Variants in TBL1X observed in about 807,000 individuals in gnomAD.
TBL1X encodes F-box-like/WD repeat-containing protein TBL1X.
A neutral mutation model predicts 50.7 loss-of-function variants in TBL1X; 10 were observed. That is an observed-to-expected ratio of 0.20 (90% CI 0.12 to 0.33). TBL1X has a LOEUF of 0.33. Ranked by LOEUF, TBL1X falls within the 10% of genes least tolerant of loss-of-function variation. The probability of loss-of-function intolerance (pLI) is 1.00; values close to 1 mark genes in which losing one functional copy is unlikely to be tolerated. For missense variants in TBL1X, 340 were observed against 504.4 expected, an observed-to-expected ratio of 0.67 and a Z score of 3.12; for synonymous variants, 190 against 214.7, an observed-to-expected ratio of 0.88 and a Z score of 1.01.
intron 2 of TBL1X, among the ~76,000 whole-genome samples, chrX:9,621,109 G>A (rs1488350935): frequency 2.7e-5 from 3 of 111,767 alleles, no homozygotes; most frequent in African/African-American, 9.8e-5. Flanking sequence ...TGCTGTGGGC[G>A]TGTTGCGTTT....
chrX:9,551,595 A>G (rs2238855), intron 2 of TBL1X, among the ~76,000 whole-genome samples: 2 of 111,545 alleles, frequency 1.8e-5, no homozygotes, highest in East Asian at 5.6e-4. Context: ...TCAGTGATGG[A>G]TAAAGGCAGA....
rs34726098 is a variant in TBL1X at position 9,545,000 on chromosome X, CTTTTTTTTT to C, written c.-131+43167_-131+43175del. On this transcript the variant is annotated intron_variant, in intron 2 of 17. Coordinates refer to ENST00000645353, the MANE Select transcript of TBL1X (RefSeq NM_005647.4). ...GGTTTATGTAGTTATTTTCCCCCCA[CTTTTTTTTT>C]TTTTTTTTTTTTTTTGAAATGGAGT... Among the ~76,000 whole-genome samples, 131 of 71,753 alleles carry C rather than the reference CTTTTTTTTT, an allele frequency of 1.8e-3. 1 individual carries two copies. Among genetic ancestry groups the C allele is most frequent in the Admixed American group, 4.0e-3 (24 of 5,988 alleles). 62.3% of individuals were successfully genotyped at this position (71,753 alleles called of 115,157 possible).
At chrX:9,652,403 A>G (rs2082840403) in intron 3 of TBL1X, among the ~76,000 whole-genome samples, 1 of 111,942 alleles carries the variant, frequency 8.9e-6, no homozygotes, top group Admixed American at 9.5e-5. Context: ...CCTCCCATTA[A>G]ATGTAAAATA....
intron 2 of TBL1X, among the ~76,000 whole-genome samples, chrX:9,628,044 G>A (rs73478834): frequency 0.034 from 3,883 of 112,759 alleles, 64 homozygotes; most frequent in African/African-American, 0.063. Flanking sequence ...TGGTTCTCAT[G>A]ACTCAATTAA....
intron 5 of TBL1X, among the ~76,000 whole-genome samples, chrX:9,667,186 C>T (rs1026304157): frequency 6.3e-5 from 7 of 111,238 alleles, no homozygotes; most frequent in African/African-American, 2.3e-4. Flanking sequence ...GGTGTGAACC[C>T]GGGAGGAGGA....
chrX:9,705,584 G>A (rs2083201810), intron 13 of TBL1X, among the ~76,000 whole-genome samples: 1 of 110,512 alleles, frequency 9.0e-6, no homozygotes, highest in African/African-American at 3.3e-5. Flanking sequence ...GCAAGACTCT[G>A]TCTCTACAAA....
chrX:9,491,322 ATATATATATATATATATT>A (rs1316230459), intron 1 of TBL1X, among the ~76,000 whole-genome samples: 5 of 37,883 alleles, frequency 1.3e-4, no homozygotes, highest in African/African-American at 4.9e-4. Flanking sequence ...ATATATATAT[ATATATATATATATATATT>A]TTTTTTTTTT....
chrX:9,664,677 T>A lies in TBL1X; in HGVS notation c.211+10355T>A, dbSNP rs188354280. Among the ~76,000 whole-genome samples the A allele has an allele frequency of 2.3e-3, 260 of 111,945 alleles. 2 individuals carry two copies. The highest frequency in any genetic ancestry group is 8.0e-3 in the African/African-American group (246 of 30,847). The stretch of plus-strand genomic sequence containing the variant: ...AGTGTGGAGGATTCTGTTAGATTTA[T>A]GTGTTCAGCCTGAGAGAAGTGGGCA... On this transcript the variant is annotated intron_variant, in intron 5 of 17. Coordinates refer to ENST00000645353, the MANE Select transcript of TBL1X (RefSeq NM_005647.4).
chrX:9,609,456 A>G (rs1029107597), intron 2 of TBL1X, among the ~76,000 whole-genome samples: 2 of 106,121 alleles, frequency 1.9e-5, no homozygotes, highest in Admixed American at 2.1e-4. Flanking sequence ...TGAGCTTTGT[A>G]GTATGCCCCT....
chrX:9,483,449 G>T (rs2081893726), intron 1 of TBL1X, among the ~76,000 whole-genome samples: 1 of 110,768 alleles, frequency 9.0e-6, no homozygotes, highest in Non-Finnish European at 1.9e-5. Context: ...TGTAGATGGA[G>T]AAACCCTGAG....
chrX:9,625,607 G>A (rs977605975), intron 2 of TBL1X, among the ~76,000 whole-genome samples: 1 of 112,594 alleles, frequency 8.9e-6, no homozygotes, highest in African/African-American at 3.2e-5. Context: ...GTACAGTGTA[G>A]TTGAGATGTG....
intron 2 of TBL1X, among the ~76,000 whole-genome samples, chrX:9,557,154 C>T (rs2082304733): frequency 1.8e-5 from 2 of 111,773 alleles, no homozygotes; most frequent in Admixed American, 1.9e-4. Context: ...CCACCAATGG[C>T]GCCTGGTCAA....
At chrX:9,514,274 A>G (rs1325746926) in intron 2 of TBL1X, among the ~76,000 whole-genome samples, 1 of 111,009 alleles carries the variant, frequency 9.0e-6, no homozygotes, top group Non-Finnish European at 1.9e-5. Flanking sequence ...GGCAATAACA[A>G]CAACAACATC....
chrX:9,664,901 C>G (rs1399484913), intron 5 of TBL1X, among the ~76,000 whole-genome samples: 1 of 111,177 alleles, frequency 9.0e-6, no homozygotes, highest in Non-Finnish European at 1.9e-5. Context: ...AACATTTGCC[C>G]ACTCTCTATT....
At chrX:9,507,446 A>G (rs766287054) in intron 2 of TBL1X, among the ~76,000 whole-genome samples, 1 of 112,127 alleles carries the variant, frequency 8.9e-6, no homozygotes, top group African/African-American at 3.2e-5. Flanking sequence ...AAGAGAGGAC[A>G]CAAACAAATG....
At chrX:9,643,117 C>G (rs183164636) in intron 3 of TBL1X, among the ~76,000 whole-genome samples, 1 of 111,691 alleles carries the variant, frequency 9.0e-6, no homozygotes, top group African/African-American at 3.3e-5. Flanking sequence ...TGGCTCTGGG[C>G]CTGTGTAACT....
intron 2 of TBL1X, among the ~76,000 whole-genome samples, chrX:9,505,816 A>C (rs1439525034): frequency 8.9e-6 from 1 of 112,401 alleles, no homozygotes; most frequent in Non-Finnish European, 1.9e-5. Flanking sequence ...AAGTTCTTAG[A>C]GACCTGCAAA....
At chrX:9,682,679 G>A (rs1171721972) in intron 5 of TBL1X, among the ~76,000 whole-genome samples, 1 of 111,790 alleles carries the variant, frequency 8.9e-6, no homozygotes, top group Non-Finnish European at 1.9e-5. Flanking sequence ...GCACTGATAC[G>A]GAAGCAGAGG....
At chrX:9,529,900 C>A (rs1440535776) in intron 2 of TBL1X, among the ~76,000 whole-genome samples, 1 of 110,703 alleles carries the variant, frequency 9.0e-6, no homozygotes, top group African/African-American at 3.3e-5. Context: ...TGCACCATGG[C>A]ACTCCAGCCT....
Sources: allele counts gnomAD v4.1 joint callset (sites outside exome capture counted in the v4.1 genomes callset), GRCh38; gene constraint gnomAD v4.1.1; transcripts MANE v1.5; gene names NCBI Gene and HGNC (gene_info 2026-07-23, HGNC 2026-07-21).